EPB41L4A: variants seen among roughly 807,000 people sequenced by gnomAD.
EPB41L4A encodes erythrocyte membrane protein band 4.1 like 4A, also known as band 4.1-like protein 4A.
EPB41L4A carries 100 observed loss-of-function variants against 108.6 expected under a neutral mutation model. The ratio of observed to expected loss-of-function variants is 0.92; its 90% CI spans 0.78 to 1.09. The LOEUF is 1.09. EPB41L4A is among the 50% of genes least tolerant of loss of function. EPB41L4A has a pLI of 0.00. For missense variants in EPB41L4A, 1,030 were observed against 842.7 expected (o/e 1.22, Z -2.75); for synonymous variants, 319 against 289.0 (o/e 1.10, Z -1.05).
At chr5:112,342,734 A>G (rs1757394881) in intron 1 of EPB41L4A, among the ~76,000 whole-genome samples, 1 of 152,104 alleles carries the variant, frequency 6.6e-6, no homozygotes. Flanking sequence ...CACCACTGAG[A>G]CTCTCGTAGG....
chr5:112,196,291 C>A (rs1418359457), intron 15 of EPB41L4A, among the ~76,000 whole-genome samples: 1 of 152,176 alleles, frequency 6.6e-6, no homozygotes, highest in Non-Finnish European at 1.5e-5. Context: ...ATCCCATCTT[C>A]TCCACTGATG....
chr5:112,233,631 T>C (rs1322082887), intron 12 of EPB41L4A, among the ~76,000 whole-genome samples: 1 of 152,118 alleles, frequency 6.6e-6, no homozygotes, highest in East Asian at 1.9e-4. Context: ...CAGGCTATAC[T>C]CAAACTCCCA....
At chr5:112,372,813 T>C (rs895641586) in intron 1 of EPB41L4A, among the ~76,000 whole-genome samples, 4 of 151,888 alleles carry the variant, frequency 2.6e-5, no homozygotes, top group South Asian at 2.1e-4. Context: ...GTCAAGGAAA[T>C]AGAGGAAACA....
At position 112,164,035 on chromosome 5, in the gene EPB41L4A, A is replaced by C. The variant is rs1054724; in HGVS notation, c.*955T>G. On this transcript the variant is annotated 3_prime_UTR_variant, in exon 23 of 23. Transcript: ENST00000261486. The stretch of plus-strand genomic sequence containing the variant: ...AAAGTCATCTATGGAGAGGAAAGGT[A>C]CAAAATAGTCACTGGGGAGAGCAGG... 115,716 of 152,036 alleles carry C rather than the reference A, an allele frequency of 0.76. 45,095 individuals carry two copies. The highest frequency in any genetic ancestry group is 1 in the East Asian group (5,138 of 5,150). 9.4% of individuals were successfully genotyped at this position (152,036 alleles called of 1,614,324 possible).
chr5:112,366,492 G>A (rs566552712), intron 1 of EPB41L4A, among the ~76,000 whole-genome samples: 2 of 152,238 alleles, frequency 1.3e-5, no homozygotes, highest in African/African-American at 4.8e-5. Context: ...ACACTTGGAA[G>A]AGCAAGGGGT....
intron 1 of EPB41L4A, among the ~76,000 whole-genome samples, chr5:112,412,255 G>A (rs1762456573): frequency 6.6e-6 from 1 of 152,132 alleles, no homozygotes; most frequent in South Asian, 2.1e-4. Context: ...TCAATATCCT[G>A]TGCTGGAAAA....
chr5:112,307,258 C>T, intron 2 of EPB41L4A, 128 bp downstream of exon 2: 1 of 612,990 alleles, frequency 1.6e-6, no homozygotes, highest in Non-Finnish European at 2.8e-6. Flanking sequence ...CAGGGGAAAA[C>T]ATGTTTGAGA....
chr5:112,199,366 A>C (rs1009823720), intron 15 of EPB41L4A, among the ~76,000 whole-genome samples: 1 of 152,160 alleles, frequency 6.6e-6, no homozygotes, highest in Non-Finnish European at 1.5e-5. Flanking sequence ...TTTGGTATGC[A>C]AATTTTCACT....
intron 1 of EPB41L4A, among the ~76,000 whole-genome samples, chr5:112,314,253 C>A (rs139379377): frequency 5.9e-5 from 9 of 152,010 alleles, no homozygotes; most frequent in African/African-American, 2.2e-4. Context: ...AAGCTATGCA[C>A]CCCCATTCCT....
intron 1 of EPB41L4A, among the ~76,000 whole-genome samples, chr5:112,364,270 T>C (rs552457451): frequency 9.3e-4 from 141 of 152,282 alleles, no homozygotes; most frequent in African/African-American, 3.3e-3. Flanking sequence ...AGGTGATCCA[T>C]CTGCCTTGGC....
rs138358434 is a variant in EPB41L4A, at chr5:112,339,828, G to A, written c.100-32338C>T. The stretch of plus-strand genomic sequence containing the variant: ...TAGGATTATAGGCGTGAGCCACCAC[G>A]CTTGGCCAAGCTTATAAATTTCAAA... On this transcript the variant is annotated intron_variant, in intron 1 of 22. Coordinates refer to ENST00000261486, the MANE Select transcript of EPB41L4A (RefSeq NM_022140.5). Among the ~76,000 whole-genome samples the A allele has an allele frequency of 4.5e-3, 690 of 152,164 alleles. 3 individuals are homozygous for A. Among genetic ancestry groups the A allele is most frequent in the Admixed American group, 0.02 (299 of 15,270 alleles).
intron 1 of EPB41L4A, among the ~76,000 whole-genome samples, chr5:112,382,113 C>A (rs1034871928): frequency 6.6e-6 from 1 of 152,082 alleles, no homozygotes; most frequent in African/African-American, 2.4e-5. Context: ...TTAAAAGGTA[C>A]GTGATATAAC....
chr5:112,343,947 T>C (rs1049076492), intron 1 of EPB41L4A, among the ~76,000 whole-genome samples: 2 of 152,190 alleles, frequency 1.3e-5, no homozygotes, highest in African/African-American at 4.8e-5. Context: ...TCTCATATAC[T>C]TGGGAGGCCA....
chr5:112,400,184 G>C (rs547167084), intron 1 of EPB41L4A, among the ~76,000 whole-genome samples: 1 of 152,282 alleles, frequency 6.6e-6, no homozygotes, highest in East Asian at 1.9e-4. Context: ...GTAGGAAAGA[G>C]AGAGGGGGGT....
chr5:112,344,447 G>C (rs1757511758), intron 1 of EPB41L4A, among the ~76,000 whole-genome samples: 1 of 152,234 alleles, frequency 6.6e-6, no homozygotes, highest in Admixed American at 6.5e-5. Flanking sequence ...CTGGTTTATA[G>C]TGTTTGTTGT....
intron 2 of EPB41L4A, among the ~76,000 whole-genome samples, chr5:112,302,945 A>G (rs1413963134): frequency 6.6e-6 from 1 of 152,134 alleles, no homozygotes; most frequent in Non-Finnish European, 1.5e-5. Context: ...TGTTGTTGTC[A>G]GCCCTCCCAG....
intron 4 of EPB41L4A, among the ~76,000 whole-genome samples, chr5:112,269,970 G>C (rs1380536959): frequency 6.6e-6 from 1 of 152,156 alleles, no homozygotes; most frequent in Non-Finnish European, 1.5e-5. Context: ...CAACACGAGA[G>C]ACGGGCCTGA....
chr5:112,225,471 T>C lies in EPB41L4A; in HGVS notation c.1087+9163A>G, dbSNP rs570512375. Among the ~76,000 whole-genome samples the C allele has an allele frequency of 3.3e-4, 50 of 152,332 alleles. No individual in the cohort carries two copies. The South Asian group carries it at 9.1e-3, about 28-fold the overall frequency. On this transcript the variant is annotated intron_variant, in intron 12 of 22. Coordinates refer to ENST00000261486, the MANE Select transcript of EPB41L4A (RefSeq NM_022140.5). ...TCTGAGCTTATTGAGAATGTCTCTA[T>C]TGGAAATGTGGATGAGCATTTGTGA... is the stretch of plus-strand genomic sequence containing the variant.
intron 1 of EPB41L4A, among the ~76,000 whole-genome samples, chr5:112,337,095 G>A (rs1756967757): frequency 6.6e-6 from 1 of 152,162 alleles, no homozygotes; most frequent in Admixed American, 6.5e-5. Flanking sequence ...CCTGTCACGT[G>A]AAGGTTTTGT....
Sources: gnomAD v4.1 joint callset for allele counts (sites outside exome capture counted in the v4.1 genomes callset) on GRCh38, gnomAD v4.1.1 for gene constraint, MANE v1.5 for transcripts, NCBI Gene and HGNC (gene_info 2026-07-23, HGNC 2026-07-21) for gene names.